The following PRRX1 variants were observed in gnomAD, a reference collection of about 807,000 sequenced individuals.
PRRX1 encodes paired related homeobox 1.
PRRX1 carries 8 observed loss-of-function variants against 24.0 expected under a neutral mutation model. The observed-to-expected ratio is 0.33, with a 90% CI of 0.20 to 0.60. PRRX1 has a LOEUF of 0.60. Ranked by LOEUF, PRRX1 falls within the 20% of genes least tolerant of loss-of-function variation. PRRX1 has a pLI of 0.82. For missense variants in PRRX1, 281 were observed against 322.4 expected (o/e 0.87, Z 0.98); for synonymous variants, 160 against 131.7 (o/e 1.22, Z -1.47).
At chr1:170,681,120 A>C (rs1386007904) in intron 1 of PRRX1, among the ~76,000 whole-genome samples, 2 of 152,248 alleles carry the variant, frequency 1.3e-5, no homozygotes, top group Non-Finnish European at 2.9e-5. Flanking sequence ...ATTGAGTACC[A>C]TAATGGATCA....
chr1:170,692,874 G>A (rs1255383512), intron 1 of PRRX1, among the ~76,000 whole-genome samples: 1 of 152,016 alleles, frequency 6.6e-6, no homozygotes, highest in East Asian at 1.9e-4. Flanking sequence ...TGACCCTGAG[G>A]TGTCTTGGGA....
chr1:170,685,668 CTTTT>C (rs753627919), intron 1 of PRRX1, among the ~76,000 whole-genome samples: 49 of 120,874 alleles, frequency 4.1e-4, no homozygotes, highest in Non-Finnish European at 2.3e-4. Flanking sequence ...TTCTTTCTTT[CTTTT>C]TTTTTAATCA....
chr1:170,704,045 C>A (rs1188717038), intron 1 of PRRX1, among the ~76,000 whole-genome samples: 1 of 152,054 alleles, frequency 6.6e-6, no homozygotes, highest in South Asian at 2.1e-4. Flanking sequence ...ACCCACTGAC[C>A]ATTTTTATTC....
intron 1 of PRRX1, among the ~76,000 whole-genome samples, chr1:170,693,660 A>T (rs1355454439): frequency 2.0e-5 from 3 of 152,130 alleles, no homozygotes; most frequent in Non-Finnish European, 2.9e-5. Context: ...AGAAATAAGA[A>T]ATTTGATAGT....
intron 1 of PRRX1, among the ~76,000 whole-genome samples, chr1:170,693,222 G>A (rs1654050809): frequency 6.6e-6 from 1 of 152,106 alleles, no homozygotes; most frequent in South Asian, 2.1e-4. Flanking sequence ...GAATCAGGGT[G>A]AGAAGAGATG....
chr1:170,665,244 C>T (rs1240153247), intron 1 of PRRX1, among the ~76,000 whole-genome samples: 1 of 152,236 alleles, frequency 6.6e-6, no homozygotes, highest in Non-Finnish European at 1.5e-5. Context: ...GCCAGTGTCA[C>T]CTTAGAGGAG....
intron 1 of PRRX1, among the ~76,000 whole-genome samples, chr1:170,709,890 C>T (rs1235773159): frequency 2.0e-5 from 3 of 152,148 alleles, no homozygotes; most frequent in Non-Finnish European, 2.9e-5. Context: ...GTTAAGAGGT[C>T]AAGGATGGCA....
chr1:170,704,062 A>G (rs1342876911), intron 1 of PRRX1, among the ~76,000 whole-genome samples: 4 of 152,248 alleles, frequency 2.6e-5, no homozygotes, highest in Non-Finnish European at 5.9e-5. Context: ...ATTCTGAAAT[A>G]TAACTAAACA....
rs1655687336 is a variant in PRRX1 at position 170,738,266 on chromosome 1, C to G, written c.*2080C>G. On this transcript the variant is annotated 3_prime_UTR_variant, in exon 4 of 4. Transcript: ENST00000239461. ...ACTTTTAGCACACATTTGTATTTCC[C>G]TTGGCATATCAGATTGAGCTAATGG... 1 of 224,974 alleles carries G rather than the reference C, an allele frequency of 4.4e-6. No individual in the cohort carries two copies. Among genetic ancestry groups the G allele is most frequent in the African/African-American group, 2.2e-5 (1 of 44,862 alleles). The allele number at this position is 224,974 out of a possible 1,614,324, so 13.9% of individuals were successfully genotyped here.
intron 1 of PRRX1, among the ~76,000 whole-genome samples, chr1:170,665,911 G>A (rs567155436): frequency 6.6e-6 from 1 of 152,354 alleles, no homozygotes; most frequent in East Asian, 1.9e-4. Context: ...GAGAAAGGTG[G>A]CCAACTCTGA....
chr1:170,669,329 T>C (rs937114763), intron 1 of PRRX1: 6 of 149,242 alleles, frequency 4.0e-5, no homozygotes, highest in African/African-American at 1.5e-4. Flanking sequence ...TCCTTATAGT[T>C]CCTTCCTCTT....
intron 1 of PRRX1, among the ~76,000 whole-genome samples, chr1:170,677,208 A>G (rs1429894040): frequency 1.3e-5 from 2 of 152,238 alleles, no homozygotes; most frequent in South Asian, 2.1e-4. Flanking sequence ...TGGTTCCACC[A>G]TTCATTAATA....
chr1:170,730,820 G>T (rs531717805), intron 3 of PRRX1, among the ~76,000 whole-genome samples: 5 of 152,250 alleles, frequency 3.3e-5, no homozygotes, highest in Middle Eastern at 3.4e-3. Context: ...CTAACATGAA[G>T]CTAGCAATAA....
At chr1:170,675,633 G>T (rs1472758545) in intron 1 of PRRX1, among the ~76,000 whole-genome samples, 1 of 152,130 alleles carries the variant, frequency 6.6e-6, no homozygotes, top group Non-Finnish European at 1.5e-5. Context: ...ATTAAAGATA[G>T]TGCATTTACC....
At chr1:170,665,405 C>T (rs1382981803) in intron 1 of PRRX1, among the ~76,000 whole-genome samples, 2 of 152,216 alleles carry the variant, frequency 1.3e-5, no homozygotes, top group East Asian at 3.9e-4. Flanking sequence ...CTGTAACAGA[C>T]CGGTCACCCT....
At chr1:170,721,907 T>C (rs1188972748) in intron 2 of PRRX1, among the ~76,000 whole-genome samples, 1 of 151,850 alleles carries the variant, frequency 6.6e-6, no homozygotes, top group East Asian at 1.9e-4. Flanking sequence ...AGCACACTAA[T>C]GTGCCACTTT....
At chr1:170,698,574 T>C (rs1037828051) in intron 1 of PRRX1, among the ~76,000 whole-genome samples, 2 of 152,178 alleles carry the variant, frequency 1.3e-5, no homozygotes, top group Non-Finnish European at 2.9e-5. Context: ...TTCCTGACCA[T>C]TTAGCCTTGC....
chr1:170,712,909 T>G (rs1212687474), intron 1 of PRRX1, among the ~76,000 whole-genome samples: 1 of 152,174 alleles, frequency 6.6e-6, no homozygotes, highest in East Asian at 1.9e-4. Flanking sequence ...TTTCCCCTTT[T>G]TTGGCATCCT....
chr1:170,735,591 G>C (rs1409115991), intron 3 of PRRX1, among the ~76,000 whole-genome samples: 3 of 152,178 alleles, frequency 2.0e-5, no homozygotes, highest in Non-Finnish European at 4.4e-5. Context: ...ATTAAGGTCA[G>C]TTATCTAGAG....
Sources: allele counts gnomAD v4.1 joint callset (sites outside exome capture counted in the v4.1 genomes callset), GRCh38; gene constraint gnomAD v4.1.1; transcripts MANE v1.5; gene names NCBI Gene and HGNC (gene_info 2026-07-23, HGNC 2026-07-21).